Variants in ELAVL2 observed in about 807,000 individuals in gnomAD.
ELAVL2 encodes the protein ELAV-like protein 2.
In ELAVL2, 4 loss-of-function variants were observed where a neutral mutation model predicts 34.6. That is an observed-to-expected ratio of 0.12 (90% CI 0.06 to 0.26). The LOEUF is 0.26. ELAVL2 is among the 10% of genes least tolerant of loss of function. ELAVL2 has a pLI of 1.00. For missense variants in ELAVL2, 432 were observed against 442.8 expected (o/e 0.98, Z 0.22); for synonymous variants, 193 against 154.8 (o/e 1.25, Z -1.83).
chr9:23,747,504 A>G (rs1377107543), intron 2 of ELAVL2, among the ~76,000 whole-genome samples: 18 of 152,144 alleles, frequency 1.2e-4, no homozygotes, highest in Non-Finnish European at 1.5e-5. Context: ...GATATTCTCC[A>G]GCACACCCAA....
chr9:23,755,978 G>A (rs2053459246), intron 2 of ELAVL2, among the ~76,000 whole-genome samples: 1 of 152,062 alleles, frequency 6.6e-6, no homozygotes, highest in Non-Finnish European at 1.5e-5. Flanking sequence ...TGTGTTCACT[G>A]TGATTGACTC....
At chr9:23,731,675 C>T (rs2046590706) in intron 2 of ELAVL2, among the ~76,000 whole-genome samples, 1 of 152,108 alleles carries the variant, frequency 6.6e-6, no homozygotes, top group South Asian at 2.1e-4. Flanking sequence ...GAGGGCTTAT[C>T]TTCAAATACA....
Position 23,718,383 on chromosome 9 carries a change from T to C in ELAVL2, c.333+12639A>G, listed in dbSNP as rs1019758324. ...ACAATTATCAGGGATCTAATGTATG[T>C]ATACAGGTATACATACACAAAGAAG... On this transcript the variant is annotated intron_variant, in intron 3 of 6. Transcript: ENST00000397312. 2.6e-5 allele frequency among the ~76,000 whole-genome samples: 4 copies of C among 152,280 alleles called. No individual in the cohort carries two copies. In the South Asian group the frequency reaches 8.3e-4, roughly 32 times the overall value.
intron 2 of ELAVL2, among the ~76,000 whole-genome samples, chr9:23,742,384 A>C (rs1306353853): frequency 6.6e-6 from 1 of 152,206 alleles, no homozygotes; most frequent in Non-Finnish European, 1.5e-5. Context: ...TTTTTAACTG[A>C]GTAGCAACTG....
Position 23,812,750 on chromosome 9 carries a change from CA to C in ELAVL2, c.-16+13055del, listed in dbSNP as rs569118079. On this transcript the variant is annotated intron_variant, in intron 1 of 6. Coordinates refer to ENST00000397312, the MANE Select transcript of ELAVL2 (RefSeq NM_004432.5). Reference sequence around the variant, plus strand: ...ACACTTATACTAACACTCCAAATATCAAAAAAAAAAAAAAAATTGGCTGGGT... The same window carrying C: ...ACACTTATACTAACACTCCAAATATCAAAAAAAAAAAAAAATTGGCTGGGT... Among the ~76,000 whole-genome samples the C allele has an allele frequency of 4.3e-3, 578 of 134,898 alleles. 2 individuals carry two copies. The highest frequency in any genetic ancestry group is 0.014 in the South Asian group (59 of 4,116). 88.5% of individuals were successfully genotyped at this position (134,898 alleles called of 152,430 possible). A position where few individuals can be genotyped will look rare whatever the true frequency, so the allele number is the denominator to read the frequency against.
At position 23,731,109 on chromosome 9, in the gene ELAVL2, A is replaced by G. The variant is rs1159762250; in HGVS notation, c.246T>C (p.Tyr82=). ...TGGGGTCAATGTAGTTCACAAAGCC[A>G]TATCCCAAGCTCTGCCCTAATGAAA... ...RDKITGQSLG[Y]GFVNYIDPKD... Residue 82 remains tyrosine (Y), a synonymous_variant, in exon 3 of 7, where the codon TAT becomes TAC. Transcript: ENST00000397312. 1.9e-6 allele frequency: 3 copies of G among 1,612,764 alleles called. No homozygotes were observed. Among genetic ancestry groups the G allele is most frequent in the African/African-American group, 1.3e-5 (1 of 74,876 alleles).
chr9:23,690,725 A>T lies in ELAVL2; in HGVS notation c.*1832T>A, dbSNP rs559763920. Reference sequence around the variant, plus strand: ...CACATTGCCTGTTCTAAGGGGAAGCATGTGAGCATCTCAGTTTATACAAAA... The same window carrying T: ...CACATTGCCTGTTCTAAGGGGAAGCTTGTGAGCATCTCAGTTTATACAAAA... On this transcript the variant is annotated 3_prime_UTR_variant, in exon 7 of 7. Transcript: ENST00000397312. 6.5e-6 allele frequency: 1 copy of T among 152,750 alleles called. No homozygotes were observed. The highest frequency in any genetic ancestry group is 2.1e-4 in the South Asian group (1 of 4,828). The allele number at this position is 152,750 out of a possible 1,614,324, so 9.5% of individuals were successfully genotyped here. A position where few individuals can be genotyped will look rare whatever the true frequency, so the allele number is the denominator to read the frequency against.
chr9:23,732,260 CT>C (rs1187454761), intron 2 of ELAVL2, among the ~76,000 whole-genome samples: 2 of 152,156 alleles, frequency 1.3e-5, no homozygotes, highest in African/African-American at 4.8e-5. Flanking sequence ...TTTAGGACAG[CT>C]ACTCTGGTTA....
In ELAVL2 at chr9:23,701,487, A is replaced by G; in HGVS notation, c.605T>C (p.Phe202Ser). The change falls in exon 5 of 7, where the codon TTT becomes TCT. Residue 202 changes from phenylalanine to serine, a missense_variant. Coordinates refer to ENST00000397312, the MANE Select transcript of ELAVL2 (RefSeq NM_004432.5). ...GGTTTTTTGGCTTGGGTTATTAGCA[A>G]ACTTTACAGTGATTGGCTCCGTGGC... The part of the protein sequence containing the change: ...PGATEPITVK[F>S]ANNPSQKTNQ... The G allele has an allele frequency of 1.2e-6, 2 of 1,614,090 alleles. No homozygotes were observed. The highest frequency in any genetic ancestry group is 1.7e-6 in the Non-Finnish European group (2 of 1,179,988).
At chr9:23,848,151 G>C in the ELAVL2 span, among the ~76,000 whole-genome samples, 1 of 151,908 alleles carries the variant, frequency 6.6e-6, no homozygotes, top group Non-Finnish European at 1.5e-5. Flanking sequence ...TAAAACCCCA[G>C]GTAGTGTTAG....
Position 23,761,995 on chromosome 9 carries a change from A to G in ELAVL2, c.229+11T>C, listed in dbSNP as rs2055127215. On this transcript the variant is annotated intron_variant, in intron 2 of 6. Coordinates refer to ENST00000397312, the MANE Select transcript of ELAVL2 (RefSeq NM_004432.5). ...CCGTTAAATATAAATCATCTACATA[A>G]AACTGCTTACCTGTTATTTTGTCTC... 1 of 1,606,744 alleles carries G rather than the reference A, an allele frequency of 6.2e-7. No homozygotes were observed. The highest frequency in any genetic ancestry group is 1.1e-5 in the South Asian group (1 of 90,156).
chr9:23,720,897 C>G (rs1317043552), intron 3 of ELAVL2, among the ~76,000 whole-genome samples: 1 of 152,186 alleles, frequency 6.6e-6, no homozygotes, highest in Non-Finnish European at 1.5e-5. Context: ...TAATCAGATT[C>G]AGTAAGTCCT....
intron 1 of ELAVL2, among the ~76,000 whole-genome samples, chr9:23,802,444 T>C (rs16907782): frequency 0.13 from 19,154 of 152,150 alleles, 1,553 homozygotes; most frequent in Admixed American, 0.24. Flanking sequence ...TTTCAACTCC[T>C]GAAGACAATC....
At chr9:23,733,937 G>A (rs1390800067) in intron 2 of ELAVL2, among the ~76,000 whole-genome samples, 1 of 152,058 alleles carries the variant, frequency 6.6e-6, no homozygotes, top group Non-Finnish European at 1.5e-5. Flanking sequence ...TCTAGTATCT[G>A]TTAAGTTGTT....
At chr9:23,818,017 CAAAT>C (rs955160823) in intron 1 of ELAVL2, among the ~76,000 whole-genome samples, 3 of 152,080 alleles carry the variant, frequency 2.0e-5, no homozygotes, top group Admixed American at 1.3e-4. Context: ...TATCTCGAAC[CAAAT>C]AAATATACAA....
chr9:23,801,515 G>A (rs2061564589), intron 1 of ELAVL2, among the ~76,000 whole-genome samples: 1 of 152,128 alleles, frequency 6.6e-6, no homozygotes, highest in African/African-American at 2.4e-5. Flanking sequence ...TTTCTTGCAA[G>A]CAGAAATCCC....
At chr9:23,793,248 A>G in intron 1 of ELAVL2, among the ~76,000 whole-genome samples, 1 of 152,118 alleles carries the variant, frequency 6.6e-6, no homozygotes, top group East Asian at 1.9e-4. Flanking sequence ...CCACATACTG[A>G]TTTTATTCAA....
chr9:23,699,097 A>G (rs572645230), intron 5 of ELAVL2, among the ~76,000 whole-genome samples: 1 of 152,344 alleles, frequency 6.6e-6, no homozygotes, highest in Non-Finnish European at 1.5e-5. Context: ...TTTTCAAGTT[A>G]ATGATAACAT....
In ELAVL2 at chr9:23,705,205, C is replaced by T. The variant is rs944950841; in HGVS notation, c.334-134G>A. The T allele has an allele frequency of 2.3e-5, 22 of 946,760 alleles. No individual in the cohort carries two copies. In the African/African-American group the frequency reaches 3.5e-4, roughly 15 times the overall value. The allele number at this position is 946,760 out of a possible 1,614,324, so 58.6% of individuals were successfully genotyped here. On this transcript the variant is annotated intron_variant, in intron 3 of 6. Coordinates refer to ENST00000397312, the MANE Select transcript of ELAVL2 (RefSeq NM_004432.5). ...GAAGTTCAAGCAAGTCAGGTGCTAA[C>T]TGCTTTATTCATTTCCAGGAAAATT...
Sources: allele counts gnomAD v4.1 joint callset (sites outside exome capture counted in the v4.1 genomes callset), GRCh38; gene constraint gnomAD v4.1.1; transcripts MANE v1.5; gene names NCBI Gene and HGNC (gene_info 2026-07-23, HGNC 2026-07-21).